Variants in KCNQ1 observed in about 807,000 individuals in gnomAD.
The protein encoded by KCNQ1 is potassium voltage-gated channel subfamily Q member 1.
KCNQ1 carries 49 observed loss-of-function variants against 72.4 expected under a neutral mutation model. The ratio of observed to expected loss-of-function variants is 0.68; its 90% CI spans 0.54 to 0.86. The LOEUF (loss-of-function observed/expected upper bound fraction) is 0.86, where lower values mean the gene tolerates loss of function less well. Among genes scored for constraint, KCNQ1 ranks in the 40% least tolerant of loss-of-function variants. The probability of loss-of-function intolerance (pLI) is 0.00; values close to 1 mark genes in which losing one functional copy is unlikely to be tolerated. For missense variants in KCNQ1, 790 were observed against 945.1 expected (o/e 0.84, Z 2.15); for synonymous variants, 450 against 412.6 (o/e 1.09, Z -1.10).
chr11:2,467,266 C>A (rs936836832), intron 1 of KCNQ1, among the ~76,000 whole-genome samples: 4 of 152,248 alleles, frequency 2.6e-5, no homozygotes, highest in African/African-American at 7.2e-5. Flanking sequence ...GAGCCATGAG[C>A]GCCCTTCGTG....
chr11:2,463,470 C>T lies in KCNQ1; in HGVS notation c.386+17986C>T, dbSNP rs1846307683. 6.6e-6 allele frequency among the ~76,000 whole-genome samples: 1 copy of T among 152,146 alleles called. No individual in the cohort carries two copies. Among genetic ancestry groups the T allele is most frequent in the Non-Finnish European group, 1.5e-5 (1 of 68,010 alleles). On this transcript the variant is annotated intron_variant, in intron 1 of 15. Transcript: ENST00000155840. This position sits in a 1 kb window ranked among gnomAD's most constrained non-coding sequence, Gnocchi z 7.0. ...TCCTTGGTGCAGGTGGCGGGCGGGG[C>T]TGGGGGGCTCTGTAGCCTTCCTGGC...
chr11:2,641,597 T>G (rs1426610815), intron 10 of KCNQ1: 2 of 398,430 alleles, frequency 5.0e-6, no homozygotes, highest in African/African-American at 4.1e-5. Context: ...GTCTCTTCAC[T>G]CTGGTGATTG....
intron 2 of KCNQ1, among the ~76,000 whole-genome samples, chr11:2,542,437 TCAAA>T (rs371985362): frequency 1.8e-3 from 269 of 152,342 alleles, no homozygotes; most frequent in African/African-American, 6.0e-3. Context: ...TTCTGCTCAC[TCAAA>T]CAAAAAATCA....
intron 6 of KCNQ1, among the ~76,000 whole-genome samples, chr11:2,578,004 G>T (rs1321593694): frequency 6.6e-6 from 1 of 152,220 alleles, no homozygotes; most frequent in Non-Finnish European, 1.5e-5. Flanking sequence ...CTGTCCTGAG[G>T]AGTGCATGTC....
intron 15 of KCNQ1, among the ~76,000 whole-genome samples, chr11:2,844,003 T>G (rs1848265614): frequency 6.6e-6 from 1 of 152,190 alleles, no homozygotes; most frequent in Non-Finnish European, 1.5e-5. Flanking sequence ...ATGCACTGCC[T>G]TCCCCCAGGG....
Position 2,611,824 on chromosome 11 carries a change from A to C in KCNQ1, c.1393+22970A>C, listed in dbSNP as rs1378864000. On this transcript the variant is annotated intron_variant, in intron 10 of 15. Transcript: ENST00000155840. This position sits in a 1 kb window ranked among gnomAD's most constrained non-coding sequence, Gnocchi z 5.3. ...TTACTGCCTTCTGCAGGTTGAATAG[A>C]TATGTTCTAGAGTACCATTCTAATT... 1 of 398,294 alleles carries C rather than the reference A, an allele frequency of 2.5e-6. No homozygotes were observed. The highest frequency in any genetic ancestry group is 3.6e-5 in the East Asian group (1 of 28,028). The allele number at this position is 398,294 out of a possible 1,614,324, so 24.7% of individuals were successfully genotyped here. A position where few individuals can be genotyped will look rare whatever the true frequency, so the allele number is the denominator to read the frequency against.
At position 2,464,210 on chromosome 11, in the gene KCNQ1, C is replaced by T. The variant is rs1032526680; in HGVS notation, c.386+18726C>T. Among the ~76,000 whole-genome samples the T allele has an allele frequency of 1.3e-5, 2 of 152,180 alleles. No individual in the cohort carries two copies. The highest frequency in any genetic ancestry group is 2.4e-5 in the African/African-American group (1 of 41,436). ...CGCTCCCTGGGCCGGAACACATGGA[C>T]GTCCAGGTGTGGAATGGCCCGGACA... On this transcript the variant is annotated intron_variant, in intron 1 of 15. Coordinates refer to ENST00000155840, the MANE Select transcript of KCNQ1 (RefSeq NM_000218.3). This position sits in a 1 kb window ranked among gnomAD's most constrained non-coding sequence, Gnocchi z 5.0.
chr11:2,626,114 T>C lies in KCNQ1; in HGVS notation c.1394-35847T>C. ...TATTTTTACTTTTATTGCCTGTGCC[T>C]TTGGTGTCGCATACAAGAAGCACTG... On this transcript the variant is annotated intron_variant, in intron 10 of 15. Coordinates refer to ENST00000155840, the MANE Select transcript of KCNQ1 (RefSeq NM_000218.3). This position sits in a 1 kb window ranked among gnomAD's most constrained non-coding sequence, Gnocchi z 4.0. 1 of 398,616 alleles carries C rather than the reference T, an allele frequency of 2.5e-6. No individual in the cohort carries two copies. Among genetic ancestry groups the C allele is most frequent in the Non-Finnish European group, 4.4e-6 (1 of 226,052 alleles). 24.7% of individuals were successfully genotyped at this position (398,616 alleles called of 1,614,324 possible).
chr11:2,671,677 A>T lies in KCNQ1; in HGVS notation c.1514+9596A>T, dbSNP rs539089238. Reference sequence around the variant, plus strand: ...GAAACTGAGGCAGAGAGCAGGGGTGACTTTGCAAGGCAATAGAGGGTACTT... The same window carrying T: ...GAAACTGAGGCAGAGAGCAGGGGTGTCTTTGCAAGGCAATAGAGGGTACTT... On this transcript the variant is annotated intron_variant, in intron 11 of 15. Transcript: ENST00000155840. This position sits in a 1 kb window ranked among gnomAD's most constrained non-coding sequence, Gnocchi z 4.7. 7.5e-6 allele frequency: 3 copies of T among 398,742 alleles called. No homozygotes were observed. The East Asian group carries it at 1.1e-4, about 14-fold the overall frequency. 24.7% of individuals were successfully genotyped at this position (398,742 alleles called of 1,614,324 possible). A position where few individuals can be genotyped will look rare whatever the true frequency, so the allele number is the denominator to read the frequency against.
At chr11:2,700,753 G>A (rs887033785) in intron 11 of KCNQ1, among the ~76,000 whole-genome samples, 1 of 152,100 alleles carries the variant, frequency 6.6e-6, no homozygotes, top group African/African-American at 2.4e-5. Context: ...GCCAGCGCCC[G>A]GCCGGGCCCG....
At chr11:2,459,650 G>T (rs1453675443) in intron 1 of KCNQ1, among the ~76,000 whole-genome samples, 1 of 152,146 alleles carries the variant, frequency 6.6e-6, no homozygotes, top group African/African-American at 2.4e-5. Context: ...GGCCCTGGGG[G>T]TGAACGGCTG....
At position 2,670,749 on chromosome 11, in the gene KCNQ1, C is replaced by A. The variant is rs1479223307; in HGVS notation, c.1514+8668C>A. 1.0e-5 allele frequency: 4 copies of A among 398,518 alleles called. No individual in the cohort carries two copies. The highest frequency in any genetic ancestry group is 1.8e-5 in the Non-Finnish European group (4 of 226,120). The allele number at this position is 398,518 out of a possible 1,614,324, so 24.7% of individuals were successfully genotyped here. A position where few individuals can be genotyped will look rare whatever the true frequency, so the allele number is the denominator to read the frequency against. ...ACAGTCTGCAGATATTATCTGGGCA[C>A]TGGCCAGTGGCTCTTGTGGCTGCCC... On this transcript the variant is annotated intron_variant, in intron 11 of 15. Coordinates refer to ENST00000155840, the MANE Select transcript of KCNQ1 (RefSeq NM_000218.3). This position sits in a 1 kb window ranked among gnomAD's most constrained non-coding sequence, Gnocchi z 4.9.
At chr11:2,649,646 A>G (rs1383251521) in intron 10 of KCNQ1, 1 of 398,452 alleles carries the variant, frequency 2.5e-6, no homozygotes, top group Non-Finnish European at 4.4e-6. Flanking sequence ...TTCCTGGCCT[A>G]GAAGGTTTCT....
rs1398061393 is a variant in KCNQ1, at chr11:2,720,412, G to A, written c.1515-48432G>A. On this transcript the variant is annotated intron_variant, in intron 11 of 15. Transcript: ENST00000155840. This position sits in a 1 kb window ranked among gnomAD's most constrained non-coding sequence, Gnocchi z 5.1. ...CTGAGCATGTGCTGGCCCTGCCTGG[G>A]GACAGCTGAAGGCCAGGAGGAAGCT... 6.6e-6 allele frequency among the ~76,000 whole-genome samples: 1 copy of A among 152,160 alleles called. No homozygotes were observed. The highest frequency in any genetic ancestry group is 1.5e-5 in the Non-Finnish European group (1 of 68,024).
In KCNQ1 at chr11:2,579,255, A is replaced by G. The variant is rs2283172; in HGVS notation, c.922-4180A>G. ...ATCCCAGTGTTTCTCAGGGAGGAAC[A>G]TGGGGGGACTAGAAGGCTCCCCATG... is the stretch of plus-strand genomic sequence containing the variant. On this transcript the variant is annotated intron_variant, in intron 6 of 15. Transcript: ENST00000155840. The surrounding 1 kb of genome is among the most constrained non-coding windows in gnomAD (Gnocchi z 6.0). Among the ~76,000 whole-genome samples the G allele has an allele frequency of 0.34, 51,787 of 152,144 alleles. 12,919 individuals carry two copies. The highest frequency in any genetic ancestry group is 0.7 in the African/African-American group (29,096 of 41,518).
chr11:2,522,188 C>G (rs114344004), intron 1 of KCNQ1, among the ~76,000 whole-genome samples: 1 of 136,218 alleles, frequency 7.3e-6, no homozygotes, highest in Non-Finnish European at 1.7e-5. Context: ...GTGGGCTCCC[C>G]GCTCATGCAG....
rs1026045679 is a variant in KCNQ1 at position 2,750,490 on chromosome 11, C to T, written c.1515-18354C>T. Among the ~76,000 whole-genome samples the T allele has an allele frequency of 2.0e-5, 3 of 152,190 alleles. No individual in the cohort carries two copies. The highest frequency in any genetic ancestry group is 7.2e-5 in the African/African-American group (3 of 41,446). On this transcript the variant is annotated intron_variant, in intron 11 of 15. Transcript: ENST00000155840. This position sits in a 1 kb window ranked among gnomAD's most constrained non-coding sequence, Gnocchi z 6.3. ...GCTCCCAGGGTCTGTGTGGAATCCA[C>T]CGGTTTCACCCCACGTCTTTTCCTC...
intron 11 of KCNQ1, chr11:2,672,823 C>T (rs1041648838): frequency 2.5e-6 from 1 of 398,724 alleles, no homozygotes; most frequent in Admixed American, 4.4e-5. Context: ...CCAAGTGACC[C>T]CAACTCTGGG....
rs10741670 is a variant in KCNQ1 at position 2,627,061 on chromosome 11, G to T, written c.1394-34900G>T. On this transcript the variant is annotated intron_variant, in intron 10 of 15. Transcript: ENST00000155840. The surrounding 1 kb of genome is among the most constrained non-coding windows in gnomAD (Gnocchi z 4.9). ...GGCCTTCCAATCCATGAACATAGGA[G>T]GTGTTTTCCCTTTATGTCTACTTTA... is the stretch of plus-strand genomic sequence containing the variant. 360,908 of 398,510 alleles carry T rather than the reference G, an allele frequency of 0.91. 163,664 individuals carry two copies. The highest frequency in any genetic ancestry group is 0.99 in the East Asian group (27,855 of 28,054). 24.7% of individuals were successfully genotyped at this position (398,510 alleles called of 1,614,324 possible).
Sources: allele counts gnomAD v4.1 joint callset (sites outside exome capture counted in the v4.1 genomes callset), GRCh38; gene constraint gnomAD v4.1.1; non-coding constraint Gnocchi (gnomAD v3.1); transcripts MANE v1.5; gene names NCBI Gene and HGNC (gene_info 2026-07-23, HGNC 2026-07-21).